The following IQCE variants were observed in gnomAD, a reference collection of about 807,000 sequenced individuals.
IQCE encodes IQ motif containing E.
Under a neutral mutation model 96.0 loss-of-function variants are expected in IQCE, and 115 were observed. That is an observed-to-expected ratio of 1.20 (90% CI 1.03 to 1.40). The LOEUF (loss-of-function observed/expected upper bound fraction) is 1.40, where lower values mean the gene tolerates loss of function less well. Among genes scored for constraint, IQCE ranks in the 40% most tolerant of loss-of-function variants. IQCE has a pLI of 0.00. For missense variants in IQCE, 1,041 were observed against 909.1 expected, an observed-to-expected ratio of 1.15 and a Z score of -1.87; for synonymous variants, 412 against 371.2, an observed-to-expected ratio of 1.11 and a Z score of -1.26.
rs111960560 is a variant in IQCE at position 2,583,211 on chromosome 7, T to C, written c.702-426T>C. Among the ~76,000 whole-genome samples, 2 of 152,360 alleles carry C rather than the reference T, an allele frequency of 1.3e-5. 1 individual carries two copies. Among genetic ancestry groups the C allele is most frequent in the African/African-American group, 4.8e-5 (2 of 41,584 alleles). On this transcript the variant is annotated intron_variant, in intron 9 of 21. Coordinates refer to ENST00000402050, the MANE Select transcript of IQCE (RefSeq NM_152558.5). ...ATGTGTCTATCTAAAGTCTACTCTC[T>C]TTTGAGACCGAGGGGATGGCCTGAC...
chr7:2,568,449 T>A (rs931950515), intron 2 of IQCE, among the ~76,000 whole-genome samples: 1 of 152,154 alleles, frequency 6.6e-6, no homozygotes, highest in African/African-American at 2.4e-5. Flanking sequence ...TGGACCCCGT[T>A]CTGTGAGATC....
intron 11 of IQCE, among the ~76,000 whole-genome samples, chr7:2,585,183 A>G (rs1039040025): frequency 2.6e-5 from 4 of 151,906 alleles, no homozygotes; most frequent in Admixed American, 6.6e-5. Context: ...CTGTACAGGC[A>G]CATGCCACCA....
intron 1 of IQCE, 156 bp downstream of exon 1, chr7:2,559,373 A>G (rs1173611049): frequency 2.8e-6 from 1 of 353,958 alleles, no homozygotes; most frequent in African/African-American, 2.2e-5. Context: ...TTACCGCACA[A>G]GAGCGCGCTG....
At chr7:2,576,909 C>T (rs1782166814) in intron 6 of IQCE, among the ~76,000 whole-genome samples, 1 of 152,148 alleles carries the variant, frequency 6.6e-6, no homozygotes, top group South Asian at 2.1e-4. Context: ...ACGCGTGGTG[C>T]GGCACCGTCC....
chr7:2,561,042 C>CT (rs1780914383), intron 1 of IQCE, among the ~76,000 whole-genome samples: 1 of 151,216 alleles, frequency 6.6e-6, no homozygotes, highest in African/African-American at 2.4e-5. Flanking sequence ...ACTGCAGTCT[C>CT]TGCCTCCCAG....
In IQCE at chr7:2,593,019, C is replaced by G; in HGVS notation, c.1245-3C>G. ...CTGACGAGTCTCCTATTCTTGTGTG[C>G]AGTTTGGAGGTGAAGCAGCTCCTGC... On this transcript the variant is annotated splice_polypyrimidine_tract_variant and splice_region_variant and intron_variant, in intron 14 of 21. Transcript: ENST00000402050. 1 of 1,596,782 alleles carries G rather than the reference C, an allele frequency of 6.3e-7. No homozygotes were observed. Among genetic ancestry groups the G allele is most frequent in the Non-Finnish European group, 8.6e-7 (1 of 1,167,826 alleles).
intron 1 of IQCE, among the ~76,000 whole-genome samples, chr7:2,560,913 T>C (rs1488252272): frequency 1.5e-5 from 2 of 133,940 alleles, no homozygotes; most frequent in African/African-American, 5.7e-5. Flanking sequence ...GCCAAGATCG[T>C]GCCACTGCAC....
At chr7:2,589,736 TC>T (rs1783430542) in intron 13 of IQCE, among the ~76,000 whole-genome samples, 170 bp from the exon 14 acceptor site, 1 of 152,204 alleles carries the variant, frequency 6.6e-6, no homozygotes, top group Non-Finnish European at 1.5e-5. Flanking sequence ...ATCATGCTCT[TC>T]CAGTAGCTTG....
At chr7:2,580,577 A>C (rs1583436401) in intron 8 of IQCE, among the ~76,000 whole-genome samples, 1 of 152,010 alleles carries the variant, frequency 6.6e-6, no homozygotes, top group African/African-American at 2.4e-5. Flanking sequence ...GTGCCACTGC[A>C]CTCCAGCCTG....
intron 15 of IQCE, among the ~76,000 whole-genome samples, chr7:2,594,642 C>T (rs1049876999): frequency 2.0e-5 from 3 of 152,250 alleles, no homozygotes; most frequent in Admixed American, 2.0e-4. Context: ...TCCTCAGCCA[C>T]GGCCTCGTGG....
intron 20 of IQCE, among the ~76,000 whole-genome samples, chr7:2,606,273 T>G (rs1784819360): frequency 6.6e-6 from 1 of 152,162 alleles, no homozygotes. Flanking sequence ...GAAGAGGAGC[T>G]TCACACACCG....
At chr7:2,574,739 G>A (rs1475225506) in intron 6 of IQCE, among the ~76,000 whole-genome samples, 1 of 152,174 alleles carries the variant, frequency 6.6e-6, no homozygotes, top group Non-Finnish European at 1.5e-5. Flanking sequence ...CTTTGGTTAC[G>A]GCTGCTCAGG....
In IQCE at chr7:2,613,643, G is replaced by C. The variant is rs2128477184; in HGVS notation, c.*3481G>C. On this transcript the variant is annotated 3_prime_UTR_variant, in exon 22 of 22. Transcript: ENST00000402050. ...TGCAGGGAGGGGCTGGGACCAAACA[G>C]GCCAGAAACCAGCAGAAAAGAGGCA... 6.6e-6 allele frequency: 1 copy of C among 152,608 alleles called. No individual in the cohort carries two copies. Among genetic ancestry groups the C allele is most frequent in the African/African-American group, 2.4e-5 (1 of 41,590 alleles). 9.5% of individuals were successfully genotyped at this position (152,608 alleles called of 1,614,324 possible).
intron 6 of IQCE, among the ~76,000 whole-genome samples, chr7:2,577,268 G>A (rs1375428856): frequency 1.3e-5 from 2 of 152,066 alleles, no homozygotes; most frequent in South Asian, 2.1e-4. Context: ...GGGGACGTGT[G>A]TGCGGTGTGT....
intron 6 of IQCE, among the ~76,000 whole-genome samples, chr7:2,577,307 G>A (rs531542383): frequency 6.6e-6 from 1 of 151,730 alleles, no homozygotes; most frequent in Admixed American, 6.5e-5. Flanking sequence ...GGCTGTGCCC[G>A]TGGGGATGTG....
At chr7:2,572,168 T>G in intron 4 of IQCE, 24 bp from the exon 5 acceptor site, 1 of 1,604,250 alleles carries the variant, frequency 6.2e-7, no homozygotes, top group South Asian at 1.1e-5. Context: ...TCTGTCATAT[T>G]AAACCCATGC....
intron 16 of IQCE, 198 bp from the exon 17 acceptor site, chr7:2,598,267 G>C (rs1784194712): frequency 7.8e-6 from 4 of 512,366 alleles, no homozygotes; most frequent in Non-Finnish European, 3.4e-6. Flanking sequence ...TGCTCGCCTA[G>C]ACGCTGTCTC....
rs551210848 is a variant in IQCE, at chr7:2,611,533, GT to G, written c.*1372del. ...TCTGAGTCACCTAAGCTGAGCCTGG[GT>G]CATTCTCTGTGGCGGTCAGAAGGCC... On this transcript the variant is annotated 3_prime_UTR_variant, in exon 22 of 22. Coordinates refer to ENST00000402050, the MANE Select transcript of IQCE (RefSeq NM_152558.5). 6.4e-3 allele frequency: 972 copies of G among 152,424 alleles called. 3 individuals carry two copies. The highest frequency in any genetic ancestry group is 0.01 in the Admixed American group (159 of 15,310). 9.4% of individuals were successfully genotyped at this position (152,424 alleles called of 1,614,324 possible).
At chr7:2,562,889 A>C (rs1781073411) in intron 1 of IQCE, among the ~76,000 whole-genome samples, 1 of 151,388 alleles carries the variant, frequency 6.6e-6, no homozygotes, top group Non-Finnish European at 1.5e-5. Flanking sequence ...TTACAGCTAC[A>C]AATTGCCCTC....
Sources: allele counts gnomAD v4.1 joint callset (sites outside exome capture counted in the v4.1 genomes callset), GRCh38; gene constraint gnomAD v4.1.1; transcripts MANE v1.5; gene names NCBI Gene and HGNC (gene_info 2026-07-23, HGNC 2026-07-21).